The following CAPN9 variants were observed in gnomAD, a reference collection of about 807,000 sequenced individuals.
CAPN9 encodes the protein calpain 9.
A neutral mutation model predicts 92.8 loss-of-function variants in CAPN9; 81 were observed. That is an observed-to-expected ratio of 0.87 (90% CI 0.73 to 1.05). CAPN9 has a LOEUF of 1.05. CAPN9 is among the 50% of genes least tolerant of loss of function. CAPN9 has a pLI of 0.00. For synonymous variants in CAPN9, 304 were observed against 328.0 expected (o/e 0.93, Z 0.79); for missense variants, 848 against 866.2 (o/e 0.98, Z 0.26).
intron 17 of CAPN9, among the ~76,000 whole-genome samples, chr1:230,794,517 G>T (rs1668210739): frequency 6.6e-6 from 1 of 152,106 alleles, no homozygotes; most frequent in Admixed American, 6.5e-5. Context: ...CCAGAAGGAA[G>T]TTCACTTTGT....
intron 6 of CAPN9, among the ~76,000 whole-genome samples, chr1:230,771,410 C>T (rs1204471242): frequency 1.3e-5 from 2 of 152,218 alleles, no homozygotes; most frequent in Non-Finnish European, 2.9e-5. Flanking sequence ...GGCACACAGG[C>T]TCAAGGGTGA....
chr1:230,762,624 A>G, intron 3 of CAPN9, 29 bp from the exon 4 acceptor site: 1 of 1,611,714 alleles, frequency 6.2e-7, no homozygotes, highest in African/African-American at 1.3e-5. Flanking sequence ...GCTGACTCGC[A>G]TCATTTCTGT....
At position 230,762,651 on chromosome 1, in the gene CAPN9, A is replaced by C. The variant is rs28359631; in HGVS notation, c.403-2A>C. 6.2e-7 allele frequency: 1 copy of C among 1,613,322 alleles called. No homozygotes were observed. The highest frequency in any genetic ancestry group is 1.1e-5 in the South Asian group (1 of 90,940). Reference sequence around the variant, plus strand: ...CATTTCTGTCTTTTTCCTGGGCAACAGTTCTGGCAGCACAGTGAGTGGCTG... The same window carrying C: ...CATTTCTGTCTTTTTCCTGGGCAACCGTTCTGGCAGCACAGTGAGTGGCTG... On this transcript the variant is annotated splice_acceptor_variant, in intron 3 of 19. Transcript: ENST00000271971. LOFTEE classifies it high-confidence loss of function.
rs1035313323 is a variant in CAPN9, at chr1:230,801,926, C to T, written c.*330C>T. ...TACTCAGAGTTCTAACGCACAGAATCCTGACTTCCATGTAGCTCCAGTCAT... is the reference window on the plus strand; with the variant it reads ...TACTCAGAGTTCTAACGCACAGAATTCTGACTTCCATGTAGCTCCAGTCAT... On this transcript the variant is annotated 3_prime_UTR_variant, in exon 20 of 20. Transcript: ENST00000271971. 5.5e-6 allele frequency: 2 copies of T among 361,892 alleles called. No homozygotes were observed. Among genetic ancestry groups the T allele is most frequent in the Non-Finnish European group, 1.0e-5 (2 of 197,648 alleles). The allele number at this position is 361,892 out of a possible 1,614,324, so 22.4% of individuals were successfully genotyped here. A position where few individuals can be genotyped will look rare whatever the true frequency, so the allele number is the denominator to read the frequency against.
chr1:230,750,054 A>C lies in CAPN9; in HGVS notation c.213+2345A>C, dbSNP rs187748801. The stretch of plus-strand genomic sequence containing the variant: ...TCCCCTCCTGGGACCAGGGCCACCA[A>C]GGCCTGCCCAGCGACTCTAGAGTCC... On this transcript the variant is annotated intron_variant, in intron 1 of 19. Transcript: ENST00000271971. Among the ~76,000 whole-genome samples the C allele has an allele frequency of 3.6e-3, 541 of 152,220 alleles. 1 individual carries two copies. Among genetic ancestry groups the C allele is most frequent in the Non-Finnish European group, 6.3e-3 (431 of 67,992 alleles).
At chr1:230,774,842 A>G (rs1021232348) in intron 8 of CAPN9, among the ~76,000 whole-genome samples, 2 of 149,960 alleles carry the variant, frequency 1.3e-5, no homozygotes, top group African/African-American at 4.9e-5. Context: ...CCCAGGTTCA[A>G]GTGATACTCC....
intron 1 of CAPN9, among the ~76,000 whole-genome samples, chr1:230,751,260 A>G (rs1324682742): frequency 6.6e-6 from 1 of 152,190 alleles, no homozygotes; most frequent in Admixed American, 6.5e-5. Flanking sequence ...TTGTTCTGGG[A>G]CAGCCCCAAA....
At chr1:230,787,168 G>A (rs1475169696) in intron 12 of CAPN9, among the ~76,000 whole-genome samples, 1 of 152,210 alleles carries the variant, frequency 6.6e-6, no homozygotes, top group Non-Finnish European at 1.5e-5. Flanking sequence ...CAAAACAGAT[G>A]ATGAAGTAAG....
chr1:230,793,035 C>T (rs1189689057), intron 17 of CAPN9, 107 bp downstream of exon 17: 1 of 834,216 alleles, frequency 1.2e-6, no homozygotes, highest in Non-Finnish European at 2.0e-6. Flanking sequence ...AGGTGGGCCT[C>T]TGAGCCCAGT....
At chr1:230,774,742 T>TTC in intron 8 of CAPN9, 111 bp downstream of exon 8, 2 of 277,200 alleles carry the variant, frequency 7.2e-6, no homozygotes, top group East Asian at 1.0e-4. Context: ...TTTCTTTCTT[T>TTC]TTTTTTTTTT....
Position 230,795,254 on chromosome 1 carries a change from C to G in CAPN9, c.1962C>G (p.Cys654Trp). 6.2e-7 allele frequency: 1 copy of G among 1,611,834 alleles called. No homozygotes were observed. Among genetic ancestry groups the G allele is most frequent in the African/African-American group, 1.3e-5 (1 of 75,000 alleles). ...LQLDFDDFLN[C>W]LVRLENASRV... is the part of the protein sequence containing the mutation. ...TGGACTTCGATGACTTCCTCAACTG[C>G]CTGGTCCGGCTGGAGAATGCGAGCC... The change falls in exon 18 of 20, where the codon TGC becomes TGG. Residue 654 changes from cysteine (C) to tryptophan (W), a missense_variant. Physicochemically the swap from Cys to Trp is radical, Grantham distance 215. Transcript: ENST00000271971.
chr1:230,787,853 T>C (rs1410645247), intron 13 of CAPN9, among the ~76,000 whole-genome samples: 2 of 152,116 alleles, frequency 1.3e-5, no homozygotes, highest in African/African-American at 4.8e-5. Flanking sequence ...AGACGCTTTG[T>C]TTTTTAGTTC....
intron 4 of CAPN9, among the ~76,000 whole-genome samples, chr1:230,765,258 C>CACACAA (rs1665908445): frequency 7.3e-6 from 1 of 137,506 alleles, no homozygotes; most frequent in Non-Finnish European, 1.6e-5. Context: ...CACACACACA[C>CACACAA]AAATGAGGTT....
chr1:230,779,863 A>C (rs1388014089), intron 9 of CAPN9, among the ~76,000 whole-genome samples: 2 of 152,186 alleles, frequency 1.3e-5, no homozygotes, highest in Admixed American at 1.3e-4. Flanking sequence ...TGGAAAAAAA[A>C]CTGATAGAAC....
At chr1:230,765,953 T>C (rs1036571549) in intron 4 of CAPN9, among the ~76,000 whole-genome samples, 2 of 152,172 alleles carry the variant, frequency 1.3e-5, no homozygotes, top group South Asian at 4.1e-4. Context: ...TGACTAACAC[T>C]ACCTTAGCCA....
intron 13 of CAPN9, among the ~76,000 whole-genome samples, chr1:230,788,484 T>C (rs1667760835): frequency 6.6e-6 from 1 of 152,194 alleles, no homozygotes; most frequent in African/African-American, 2.4e-5. Flanking sequence ...AACTAATTCA[T>C]GTCAAGGTGC....
At chr1:230,768,580 T>G (rs1023513569) in intron 5 of CAPN9, among the ~76,000 whole-genome samples, 1 of 150,176 alleles carries the variant, frequency 6.7e-6, no homozygotes, top group Non-Finnish European at 1.5e-5. Flanking sequence ...ATGAAAAAAA[T>G]AGCAGATAGA....
intron 19 of CAPN9, among the ~76,000 whole-genome samples, chr1:230,801,041 T>A (rs1017059849): frequency 6.6e-6 from 1 of 152,186 alleles, no homozygotes; most frequent in African/African-American, 2.4e-5. Flanking sequence ...CAAGTCACCA[T>A]GCTGTAATAA....
chr1:230,760,778 C>T (rs1665583484), intron 3 of CAPN9, among the ~76,000 whole-genome samples: 1 of 152,196 alleles, frequency 6.6e-6, no homozygotes, highest in South Asian at 2.1e-4. Flanking sequence ...GCCGGTCTTT[C>T]CCCAGTCCTC....
Sources: gnomAD v4.1 joint callset for allele counts (sites outside exome capture counted in the v4.1 genomes callset) on GRCh38, gnomAD v4.1.1 for gene constraint, MANE v1.5 for transcripts, NCBI Gene and HGNC (gene_info 2026-07-23, HGNC 2026-07-21) for gene names.